Variants in PTPN9 observed in about 807,000 individuals in gnomAD.
PTPN9 encodes tyrosine-protein phosphatase non-receptor type 9.
PTPN9 carries 26 observed loss-of-function variants against 69.8 expected under a neutral mutation model. That is an observed-to-expected ratio of 0.37 (90% CI 0.27 to 0.52). The LOEUF (loss-of-function observed/expected upper bound fraction) is 0.52, where lower values mean the gene tolerates loss of function less well. PTPN9 is among the 20% of genes least tolerant of loss of function. The pLI is 0.91. For missense variants in PTPN9, 549 were observed against 740.3 expected, an observed-to-expected ratio of 0.74 and a Z score of 3.00; for synonymous variants, 274 against 272.5, an observed-to-expected ratio of 1.01 and a Z score of -0.05.
chr15:75,515,845 C>T (rs1456794314), intron 5 of PTPN9, among the ~76,000 whole-genome samples: 2 of 151,844 alleles, frequency 1.3e-5, no homozygotes, highest in South Asian at 2.1e-4. Flanking sequence ...TGCAGTGAGC[C>T]GACATCGCGC....
At chr15:75,505,267 GTTAAGAATCATCACCACTCCC>G (rs1346619719) in intron 7 of PTPN9, among the ~76,000 whole-genome samples, 4 of 148,602 alleles carry the variant, frequency 2.7e-5, no homozygotes, top group Non-Finnish European at 4.5e-5. Context: ...CAGCATGCTC[GTTAAGAATCATCACCACTCCC>G]TAATCTCAAG....
At chr15:75,497,555 C>CT in intron 7 of PTPN9, among the ~76,000 whole-genome samples, 1 of 152,168 alleles carries the variant, frequency 6.6e-6, no homozygotes, top group East Asian at 1.9e-4. Context: ...AATTCCAGCA[C>CT]TTTAGGAGGC....
chr15:75,563,766 CTA>C (rs1406042140), intron 1 of PTPN9, among the ~76,000 whole-genome samples: 2 of 152,152 alleles, frequency 1.3e-5, no homozygotes, highest in African/African-American at 2.4e-5. Flanking sequence ...GACAGGTACT[CTA>C]TAGTTTAATA....
chr15:75,472,388 G>C (rs1051644184), intron 10 of PTPN9, among the ~76,000 whole-genome samples: 1 of 152,026 alleles, frequency 6.6e-6, no homozygotes, highest in Non-Finnish European at 1.5e-5. Context: ...GAACCCCGGT[G>C]GGGGCAGAGC....
At chr15:75,506,695 A>C (rs919429591) in intron 6 of PTPN9, among the ~76,000 whole-genome samples, 1 of 152,012 alleles carries the variant, frequency 6.6e-6, no homozygotes, top group Admixed American at 6.6e-5. Context: ...AGTAACCATA[A>C]AACTTAATTC....
chr15:75,523,054 A>G (rs535452229), intron 4 of PTPN9, 67 bp downstream of exon 4: 2 of 1,578,908 alleles, frequency 1.3e-6, no homozygotes, highest in South Asian at 2.3e-5. Flanking sequence ...GCTGAATTTA[A>G]TCAAGTAAAA....
chr15:75,504,274 C>T (rs2141309176), intron 7 of PTPN9, among the ~76,000 whole-genome samples: 1 of 137,456 alleles, frequency 7.3e-6, no homozygotes, highest in East Asian at 2.3e-4. Flanking sequence ...AGCCCCCTGC[C>T]CGGCCAGCCG....
intron 7 of PTPN9, among the ~76,000 whole-genome samples, chr15:75,491,881 A>G (rs1595951287): frequency 6.6e-6 from 1 of 152,160 alleles, no homozygotes; most frequent in Non-Finnish European, 1.5e-5. Flanking sequence ...AGATGTTCAA[A>G]CCAAATCTCT....
In PTPN9 at chr15:75,539,988, T is replaced by C. The variant is rs76415577; in HGVS notation, c.64-12727A>G. Reference sequence around the variant, plus strand: ...AGCCGCCACGTCTGGCCTGAATGTGTGAACTTCTAAATTATATGTCACGTT... The same window carrying C: ...AGCCGCCACGTCTGGCCTGAATGTGCGAACTTCTAAATTATATGTCACGTT... On this transcript the variant is annotated intron_variant, in intron 1 of 12. Transcript: ENST00000618819. 6.0e-4 allele frequency among the ~76,000 whole-genome samples: 91 copies of C among 152,318 alleles called. 1 individual carries two copies. The East Asian group carries it at 0.016, about 26-fold the overall frequency.
chr15:75,523,213 G>T lies in PTPN9; in HGVS notation c.330C>A (p.Ala110=). The T allele has an allele frequency of 1.2e-6, 2 of 1,613,932 alleles. No homozygotes were observed. The highest frequency in any genetic ancestry group is 8.5e-7 in the Non-Finnish European group (1 of 1,179,972). Residue 110 remains alanine (A), a synonymous_variant, in exon 4 of 13, where the codon GCC becomes GCA. Coordinates refer to ENST00000618819, the MANE Select transcript of PTPN9 (RefSeq NM_002833.4). The part of the protein sequence containing the change: ...NVRDPTGASI[A]LFTARLHHPH... Reference sequence around the variant, plus strand: ...GATGATGCAACCTGGCAGTAAAGAGGGCAATGGAGGCTCCTGTTGGGTCCC... The same window carrying T: ...GATGATGCAACCTGGCAGTAAAGAGTGCAATGGAGGCTCCTGTTGGGTCCC...
chr15:75,488,242 T>C (rs999024312), intron 8 of PTPN9, among the ~76,000 whole-genome samples: 3 of 152,014 alleles, frequency 2.0e-5, no homozygotes, highest in Middle Eastern at 6.8e-3. Context: ...GATTGCGCCA[T>C]TGCACTCCAG....
At chr15:75,482,591 A>T (rs1404181061) in intron 8 of PTPN9, among the ~76,000 whole-genome samples, 1 of 131,840 alleles carries the variant, frequency 7.6e-6, no homozygotes, top group African/African-American at 2.9e-5. Flanking sequence ...AAAAAAAAAA[A>T]GAGTCATCAC....
chr15:75,514,203 G>T lies in PTPN9; in HGVS notation c.528+3056C>A, dbSNP rs2074858060. ...TTTTTCTTTTGGATTTCTCAGGAAT[G>T]ATTTCTTCCTAGTTAGACCGCCAGT... On this transcript the variant is annotated intron_variant, in intron 5 of 12. Coordinates refer to ENST00000618819, the MANE Select transcript of PTPN9 (RefSeq NM_002833.4). Among the ~76,000 whole-genome samples, 2 of 147,938 alleles carry T rather than the reference G, an allele frequency of 1.4e-5. 1 individual carries two copies. The highest frequency in any genetic ancestry group is 4.3e-4 in the South Asian group (2 of 4,688).
At chr15:75,557,396 G>A (rs956096347) in intron 1 of PTPN9, among the ~76,000 whole-genome samples, 5 of 151,322 alleles carry the variant, frequency 3.3e-5, no homozygotes, top group African/African-American at 1.2e-4. Flanking sequence ...TTGCACTCCA[G>A]CCTGGTCGAC....
rs1022894534 is a variant in PTPN9 at position 75,492,155 on chromosome 15, G to A, written c.969-1854C>T. 5.1e-4 allele frequency among the ~76,000 whole-genome samples: 77 copies of A among 152,284 alleles called. 1 individual carries two copies. The highest frequency in any genetic ancestry group is 1.8e-3 in the African/African-American group (75 of 41,558). ...CCCAAAGTGCTGGGATTATAGGTGT[G>A]AGTCACCGAGCCTGACCTTAAATGC... is the stretch of plus-strand genomic sequence containing the variant. On this transcript the variant is annotated intron_variant, in intron 7 of 12. Transcript: ENST00000618819.
chr15:75,535,477 G>A (rs1314031387), intron 1 of PTPN9, among the ~76,000 whole-genome samples: 1 of 152,144 alleles, frequency 6.6e-6, no homozygotes, highest in Non-Finnish European at 1.5e-5. Context: ...CCTTTTAACA[G>A]CGCAAACTAT....
At chr15:75,493,229 AAGAT>A (rs925508578) in intron 7 of PTPN9, among the ~76,000 whole-genome samples, 26 of 152,124 alleles carry the variant, frequency 1.7e-4, no homozygotes, top group Non-Finnish European at 8.8e-5. Context: ...TTTAAAAAAA[AAGAT>A]AGTCAATAAG....
intron 1 of PTPN9, among the ~76,000 whole-genome samples, chr15:75,565,026 G>A (rs564308342): frequency 6.6e-5 from 10 of 151,118 alleles, no homozygotes; most frequent in Non-Finnish European, 1.0e-4. Flanking sequence ...GCTTGAACCC[G>A]GGAGGCAGAG....
chr15:75,542,413 C>T (rs1008857041), intron 1 of PTPN9, among the ~76,000 whole-genome samples: 1 of 152,128 alleles, frequency 6.6e-6, no homozygotes, highest in Non-Finnish European at 1.5e-5. Flanking sequence ...TGGGACTCTT[C>T]CATCTACCAC....
Sources: allele counts gnomAD v4.1 joint callset (sites outside exome capture counted in the v4.1 genomes callset), GRCh38; gene constraint gnomAD v4.1.1; transcripts MANE v1.5; gene names NCBI Gene and HGNC (gene_info 2026-07-23, HGNC 2026-07-21).